The following MICAL2 variants were observed in gnomAD, a reference collection of about 807,000 sequenced individuals.
MICAL2 encodes the protein [F-actin]-monooxygenase MICAL2.
A neutral mutation model predicts 127.3 loss-of-function variants in MICAL2; 77 were observed. The ratio of observed to expected loss-of-function variants is 0.60; its 90% confidence interval spans 0.50 to 0.73. The LOEUF (loss-of-function observed/expected upper bound fraction) is 0.73, where lower values mean the gene tolerates loss of function less well. Ranked by LOEUF, MICAL2 falls within the 30% of genes least tolerant of loss-of-function variation. MICAL2 has a pLI of 0.00. For synonymous variants in MICAL2, 570 were observed against 551.1 expected, an observed-to-expected ratio of 1.03 and a Z score of -0.48; for missense variants, 1,351 against 1,434.4, an observed-to-expected ratio of 0.94 and a Z score of 0.94.
At chr11:12,207,824 A>G in intron 4 of MICAL2, 199 bp from the exon 5 acceptor site, 3 of 545,154 alleles carry the variant, frequency 5.5e-6, no homozygotes, top group South Asian at 5.7e-5. Context: ...AATGAGAATA[A>G]TAACGATTCC....
chr11:12,231,857 A>G (rs1249307679), intron 15 of MICAL2, among the ~76,000 whole-genome samples: 2 of 151,900 alleles, frequency 1.3e-5, no homozygotes, highest in Non-Finnish European at 2.9e-5. Flanking sequence ...GGCTGAAGCT[A>G]CTCTCTCTCC....
At chr11:12,128,694 G>C (rs554073250) in intron 1 of MICAL2, among the ~76,000 whole-genome samples, 136 of 152,320 alleles carry the variant, frequency 8.9e-4, no homozygotes, top group Middle Eastern at 3.4e-3. Flanking sequence ...GGCTTTATCA[G>C]AGCCTTTCAG....
At chr11:12,318,474 C>G (rs1350699696) in intron 29 of MICAL2, among the ~76,000 whole-genome samples, 1 of 152,208 alleles carries the variant, frequency 6.6e-6, no homozygotes, top group Non-Finnish European at 1.5e-5. Flanking sequence ...TGTAAATGTG[C>G]TCCTGGAGGC....
intron 15 of MICAL2, among the ~76,000 whole-genome samples, chr11:12,235,243 G>C (rs759912596): frequency 1.3e-5 from 2 of 152,168 alleles, no homozygotes; most frequent in Non-Finnish European, 2.9e-5. Context: ...GCATCAGCTC[G>C]GCCTCCAGAG....
intron 2 of MICAL2, 199 bp from the exon 3 acceptor site, chr11:12,161,880 A>C (rs1304978653): frequency 2.1e-6 from 1 of 486,068 alleles, no homozygotes; most frequent in East Asian, 3.8e-5. Context: ...AGGGGAAGAG[A>C]TTACCTGCAA....
chr11:12,249,355 T>A lies in MICAL2; in HGVS notation c.2847+109T>A, dbSNP rs1861226901. On this transcript the variant is annotated intron_variant, in intron 22 of 27. Coordinates refer to ENST00000683283, the MANE Select transcript of MICAL2 (RefSeq NM_001282663.2). ...GCGCATATGATCAGCAGCAGTACAG[T>A]GCCTGGCACCAGGGGACGAAGGTGG... 5.9e-6 allele frequency: 4 copies of A among 681,582 alleles called. No individual in the cohort carries two copies. The Admixed American group carries it at 7.4e-5, about 13-fold the overall frequency. 42.2% of individuals were successfully genotyped at this position (681,582 alleles called of 1,614,324 possible). A position where few individuals can be genotyped will look rare whatever the true frequency, so the allele number is the denominator to read the frequency against.
At chr11:12,236,276 G>T (rs1565219775) in intron 16 of MICAL2, 31 bp downstream of exon 16, 1 of 1,607,348 alleles carries the variant, frequency 6.2e-7, no homozygotes, top group Non-Finnish European at 8.5e-7. Flanking sequence ...TTTAAACAGA[G>T]GCTCGTTTCC....
chr11:12,298,210 T>C (rs1315460290), intron 29 of MICAL2, among the ~76,000 whole-genome samples: 1 of 152,048 alleles, frequency 6.6e-6, no homozygotes, highest in Non-Finnish European at 1.5e-5. Flanking sequence ...AGCACATAGA[T>C]CTAGCATAAT....
intron 29 of MICAL2, among the ~76,000 whole-genome samples, chr11:12,305,501 A>T (rs1036044462): frequency 3.3e-5 from 5 of 151,884 alleles, no homozygotes; most frequent in East Asian, 1.9e-4. Flanking sequence ...TTACTACTAC[A>T]TTTTTTTACT....
chr11:12,272,550 C>G (rs1863685249), upstream of MICAL2, among the ~76,000 whole-genome samples: 1 of 152,184 alleles, frequency 6.6e-6, no homozygotes, highest in Non-Finnish European at 1.5e-5. Flanking sequence ...GCACACAGCT[C>G]ATAGGCACAC....
downstream of MICAL2, chr11:12,294,830 CCTCCTCCTCCTA>C (rs542581403): frequency 4.2e-4 from 638 of 1,515,856 alleles, 3 homozygotes; most frequent in Middle Eastern, 1.1e-3. Context: ...TCCTCCTCCT[CCTCCTCCTCCTA>C]CAGCGGGAGG....
At chr11:12,186,373 G>C (rs1009056911) in intron 3 of MICAL2, among the ~76,000 whole-genome samples, 3 of 152,164 alleles carry the variant, frequency 2.0e-5, no homozygotes, top group Non-Finnish European at 4.4e-5. Context: ...GTAGAGGACA[G>C]TGAGTTCTCT....
Position 12,348,290 on chromosome 11 carries a change from A to G in MICAL2, c.5516-1548A>G, listed in dbSNP as rs183603330. ...ATTACTTCATTTGTATGGATTCAAC[A>G]TAGTACTTGAAGTGCAGCAAATTTG... On this transcript the variant is annotated intron_variant, in intron 32 of 34. Transcript: ENST00000646065. 2.5e-4 allele frequency among the ~76,000 whole-genome samples: 38 copies of G among 152,320 alleles called. No individual in the cohort carries two copies. The East Asian group carries it at 6.5e-3, about 26-fold the overall frequency.
intron 21 of MICAL2, among the ~76,000 whole-genome samples, chr11:12,245,881 A>T (rs1005049796): frequency 1.3e-5 from 2 of 152,194 alleles, no homozygotes; most frequent in African/African-American, 2.4e-5. Context: ...CCTTGGCAGG[A>T]TGGTGGGAGG....
intron 1 of MICAL2, among the ~76,000 whole-genome samples, chr11:12,137,521 G>A (rs1478389172): frequency 6.6e-6 from 1 of 152,188 alleles, no homozygotes; most frequent in East Asian, 1.9e-4. Context: ...CCATTAACGG[G>A]CTGAGAATTC....
intron 3 of MICAL2, among the ~76,000 whole-genome samples, chr11:12,165,110 G>A (rs1296059118): frequency 6.9e-6 from 1 of 145,782 alleles, no homozygotes; most frequent in Non-Finnish European, 1.5e-5. Flanking sequence ...CTGCACTCCA[G>A]CCTGGGTGAC....
intron 3 of MICAL2, among the ~76,000 whole-genome samples, chr11:12,182,606 C>T (rs1273793556): frequency 1.3e-5 from 2 of 152,158 alleles, no homozygotes; most frequent in Non-Finnish European, 1.5e-5. Flanking sequence ...AGTAGATGGC[C>T]TCTCTAAGGT....
At chr11:12,339,102 T>C (rs1177671002) in intron 32 of MICAL2, among the ~76,000 whole-genome samples, 1 of 152,232 alleles carries the variant, frequency 6.6e-6, no homozygotes, top group Non-Finnish European at 1.5e-5. Flanking sequence ...CAGTCATACG[T>C]AGATTTGGTC....
chr11:12,317,547 C>T (rs573840087), intron 29 of MICAL2, among the ~76,000 whole-genome samples: 3 of 152,170 alleles, frequency 2.0e-5, no homozygotes, highest in East Asian at 1.9e-4. Flanking sequence ...AATCCCAGCA[C>T]TTTGGGAGGC....
Sources: allele counts gnomAD v4.1 joint callset (sites outside exome capture counted in the v4.1 genomes callset), GRCh38; gene constraint gnomAD v4.1.1; transcripts MANE v1.5; gene names NCBI Gene and HGNC (gene_info 2026-07-23, HGNC 2026-07-21).